Variants in ANKS1B observed in about 807,000 individuals in gnomAD.
The protein encoded by ANKS1B is ankyrin repeat and sterile alpha motif domain containing 1B.
In ANKS1B, 36 loss-of-function variants were observed where a neutral mutation model predicts 148.3. That is an observed-to-expected ratio of 0.24 (90% CI 0.19 to 0.32). The LOEUF (loss-of-function observed/expected upper bound fraction) is 0.32. Ranked by LOEUF, ANKS1B falls within the 10% of genes least tolerant of loss-of-function variation. ANKS1B has a pLI of 1.00. For synonymous variants in ANKS1B, 542 were observed against 560.8 expected (o/e 0.97, Z 0.47); for missense variants, 1,157 against 1,542.6 (o/e 0.75, Z 4.19).
intron 9 of ANKS1B, among the ~76,000 whole-genome samples, chr12:99,552,182 G>C (rs2097226181): frequency 6.6e-6 from 1 of 151,974 alleles, no homozygotes; most frequent in Admixed American, 6.6e-5. Flanking sequence ...ACACATTCTT[G>C]CAGAATCCTA....
At chr12:99,735,028 T>G (rs1023218098) in intron 8 of ANKS1B, among the ~76,000 whole-genome samples, 3 of 152,202 alleles carry the variant, frequency 2.0e-5, no homozygotes, top group African/African-American at 7.2e-5. Context: ...CTAGTCTTTT[T>G]CTCTCTCACA....
chr12:99,229,913 T>C (rs962662084), intron 14 of ANKS1B, among the ~76,000 whole-genome samples: 1 of 151,990 alleles, frequency 6.6e-6, no homozygotes, highest in Admixed American at 6.6e-5. Context: ...GTAAGCATCA[T>C]TCCTATCCTC....
At chr12:99,483,751 G>A in intron 10 of ANKS1B, among the ~76,000 whole-genome samples, 1 of 151,708 alleles carries the variant, frequency 6.6e-6, no homozygotes, top group Non-Finnish European at 1.5e-5. Context: ...TCCAGGAATT[G>A]ACCCATTTCC....
At chr12:99,845,990 T>C (rs1318707095) in intron 1 of ANKS1B, among the ~76,000 whole-genome samples, 1 of 152,166 alleles carries the variant, frequency 6.6e-6, no homozygotes, top group African/African-American at 2.4e-5. Context: ...AAAATTGACT[T>C]TGTTCCATAT....
chr12:98,798,552 T>C (rs1191507517), intron 22 of ANKS1B, among the ~76,000 whole-genome samples: 1 of 152,196 alleles, frequency 6.6e-6, no homozygotes, highest in East Asian at 1.9e-4. Flanking sequence ...AATATGCTCT[T>C]AATACTTCTG....
chr12:99,050,317 G>C (rs1337930257), intron 17 of ANKS1B, among the ~76,000 whole-genome samples: 1 of 152,004 alleles, frequency 6.6e-6, no homozygotes, highest in Non-Finnish European at 1.5e-5. Flanking sequence ...ATTCTATTGG[G>C]CATACAAATT....
At chr12:99,906,811 T>C (rs547901527) in intron 1 of ANKS1B, among the ~76,000 whole-genome samples, 1 of 152,188 alleles carries the variant, frequency 6.6e-6, no homozygotes, top group South Asian at 2.1e-4. Context: ...TCAACAAATA[T>C]TTATTGTAGT....
intron 26 of ANKS1B, among the ~76,000 whole-genome samples, chr12:98,746,697 C>T (rs976591956): frequency 2.6e-5 from 4 of 152,134 alleles, no homozygotes; most frequent in Admixed American, 6.5e-5. Context: ...TCCTGGCAAC[C>T]CCGTAAATAA....
intron 12 of ANKS1B, among the ~76,000 whole-genome samples, chr12:99,286,482 C>A (rs1248960291): frequency 1.3e-5 from 2 of 152,052 alleles, no homozygotes; most frequent in Admixed American, 1.3e-4. Context: ...GCATTCCCAG[C>A]AGCTGTGGCC....
chr12:98,981,311 G>GT lies in ANKS1B; in HGVS notation c.2778+71845dup, dbSNP rs200091287. ...CACCACTATGCCCGGCTATTGTTCA[G>GT]TTTTTTTTTCTTTTGTTTTTTGTTG... is the stretch of plus-strand genomic sequence containing the variant. On this transcript the variant is annotated intron_variant, in intron 17 of 26. Transcript: ENST00000683438. Among the ~76,000 whole-genome samples the GT allele has an allele frequency of 2.9e-3, 435 of 150,308 alleles. 1 individual carries two copies. Among genetic ancestry groups the GT allele is most frequent in the African/African-American group, 0.01 (417 of 41,052 alleles).
chr12:99,386,946 T>A (rs1350614823), intron 12 of ANKS1B, among the ~76,000 whole-genome samples: 1 of 152,226 alleles, frequency 6.6e-6, no homozygotes, highest in South Asian at 2.1e-4. Context: ...AAAGCAAATA[T>A]TCTTTCAGTG....
At chr12:98,782,012 A>T in intron 23 of ANKS1B, 114 bp downstream of exon 23, 2 of 895,356 alleles carry the variant, frequency 2.2e-6, no homozygotes, top group Non-Finnish European at 3.5e-6. Context: ...ATAATTTAGT[A>T]TGTGCCTTTC....
At chr12:99,604,074 A>C (rs1256401961) in intron 9 of ANKS1B, among the ~76,000 whole-genome samples, 1 of 152,144 alleles carries the variant, frequency 6.6e-6, no homozygotes, top group Non-Finnish European at 1.5e-5. Flanking sequence ...CAGAAAGATC[A>C]TCAGAATAAA....
chr12:99,632,774 T>C (rs1193751930), intron 9 of ANKS1B, among the ~76,000 whole-genome samples: 1 of 127,656 alleles, frequency 7.8e-6, no homozygotes, highest in Non-Finnish European at 1.7e-5. Flanking sequence ...TATATTTTAA[T>C]TATACTTTAA....
At position 98,780,627 on chromosome 12, in the gene ANKS1B, T is replaced by C. The variant is rs139393362; in HGVS notation, c.3441+490A>G. ...AGAGGCTGGGAATTAAATGTAGTTA[T>C]AAAATTAAAAAGTCAGAAAATTATC... On this transcript the variant is annotated intron_variant, in intron 24 of 26. Coordinates refer to ENST00000683438, the MANE Select transcript of ANKS1B (RefSeq NM_001352186.2). Among the ~76,000 whole-genome samples, 156 of 152,250 alleles carry C rather than the reference T, an allele frequency of 1.0e-3. 2 individuals carry two copies. The highest frequency in any genetic ancestry group is 3.5e-3 in the African/African-American group (146 of 41,548).
intron 14 of ANKS1B, among the ~76,000 whole-genome samples, chr12:99,223,212 G>T (rs1057311061): frequency 1.3e-5 from 2 of 152,072 alleles, no homozygotes; most frequent in African/African-American, 4.8e-5. Context: ...ATCTAGGTTG[G>T]CAACTTCCCT....
At chr12:99,808,690 C>T (rs2067948752) in intron 3 of ANKS1B, among the ~76,000 whole-genome samples, 1 of 152,086 alleles carries the variant, frequency 6.6e-6, no homozygotes, top group Non-Finnish European at 1.5e-5. Context: ...AAACATTATA[C>T]AGATATATAC....
chr12:99,691,315 G>C (rs1324317645), intron 8 of ANKS1B, among the ~76,000 whole-genome samples: 7 of 152,192 alleles, frequency 4.6e-5, no homozygotes, highest in African/African-American at 7.2e-5. Context: ...CTGACATTCA[G>C]CTCCTCACTA....
intron 10 of ANKS1B, among the ~76,000 whole-genome samples, chr12:99,484,764 G>GTTTT (rs565634931): frequency 1.1e-3 from 67 of 63,722 alleles, no homozygotes; most frequent in South Asian, 3.2e-3. Context: ...GTGTGTGTGT[G>GTTTT]TTTTTTTTTT....
Sources: allele counts gnomAD v4.1 joint callset (sites outside exome capture counted in the v4.1 genomes callset), GRCh38; gene constraint gnomAD v4.1.1; transcripts MANE v1.5; gene names NCBI Gene and HGNC (gene_info 2026-07-23, HGNC 2026-07-21).